AGBL4: variants seen among roughly 807,000 people sequenced by gnomAD.
AGBL4 encodes AGBL carboxypeptidase 4, also known as cytosolic carboxypeptidase 6.
AGBL4 carries 58 observed loss-of-function variants against 66.4 expected under a neutral mutation model. The observed-to-expected ratio is 0.87, with a 90% CI of 0.71 to 1.09. The LOEUF (loss-of-function observed/expected upper bound fraction) is 1.09, where lower values mean the gene tolerates loss of function less well. Ranked by LOEUF, AGBL4 falls within the 50% of genes least tolerant of loss-of-function variation. AGBL4 has a pLI of 0.00. For synonymous variants in AGBL4, 234 were observed against 222.9 expected (o/e 1.05, Z -0.44); for missense variants, 579 against 631.0 (o/e 0.92, Z 0.88).
intron 6 of AGBL4, among the ~76,000 whole-genome samples, chr1:48,862,123 A>T (rs1647530294): frequency 3.3e-5 from 5 of 152,098 alleles, no homozygotes. Context: ...TCAAAGTCCC[A>T]CTATAAAACT....
At chr1:49,201,228 C>T (rs1474734059) in intron 4 of AGBL4, among the ~76,000 whole-genome samples, 1 of 152,184 alleles carries the variant, frequency 6.6e-6, no homozygotes, top group Non-Finnish European at 1.5e-5. Flanking sequence ...TGGGCAACAA[C>T]TCCTCTTCTT....
chr1:49,252,460 G>T (rs1182338359), intron 3 of AGBL4, among the ~76,000 whole-genome samples: 1 of 152,178 alleles, frequency 6.6e-6, no homozygotes, highest in Non-Finnish European at 1.5e-5. Context: ...AAGATAGGGA[G>T]AATGGAACCA....
chr1:49,834,518 CT>C (rs1389249366), intron 2 of AGBL4, among the ~76,000 whole-genome samples: 1 of 152,000 alleles, frequency 6.6e-6, no homozygotes, highest in African/African-American at 2.4e-5. Context: ...TTCTGTTAAT[CT>C]TTTTAAAAAA....
At chr1:49,353,873 C>T (rs1005934529) in intron 3 of AGBL4, among the ~76,000 whole-genome samples, 2 of 152,110 alleles carry the variant, frequency 1.3e-5, no homozygotes, top group Non-Finnish European at 2.9e-5. Flanking sequence ...GAAAGATCAT[C>T]TTCCCACTCC....
intron 2 of AGBL4, among the ~76,000 whole-genome samples, chr1:49,785,893 A>AAATATATATAT (rs1407219283): frequency 7.1e-6 from 1 of 140,916 alleles, no homozygotes; most frequent in African/African-American, 2.6e-5. Context: ...GGAAAAAAAA[A>AAATATATATAT]ATATATATAT....
At chr1:49,851,174 A>G (rs889478549) in intron 2 of AGBL4, among the ~76,000 whole-genome samples, 2 of 152,158 alleles carry the variant, frequency 1.3e-5, no homozygotes, top group Non-Finnish European at 2.9e-5. Flanking sequence ...CTATGTAAGC[A>G]TTTGTTAATA....
intron 3 of AGBL4, among the ~76,000 whole-genome samples, chr1:49,298,528 T>G (rs1411983181): frequency 1.3e-5 from 2 of 152,166 alleles, no homozygotes; most frequent in Non-Finnish European, 2.9e-5. Flanking sequence ...TCAGCAGCAA[T>G]CATGCTAAAT....
At chr1:48,677,838 C>T (rs1249436525) in intron 6 of AGBL4, among the ~76,000 whole-genome samples, 2 of 152,188 alleles carry the variant, frequency 1.3e-5, no homozygotes, top group African/African-American at 4.8e-5. Context: ...GGAGAGGCCT[C>T]CCAACTTTTT....
chr1:49,640,525 T>G (rs1645759643), intron 3 of AGBL4, among the ~76,000 whole-genome samples: 1 of 152,166 alleles, frequency 6.6e-6, no homozygotes, highest in African/African-American at 2.4e-5. Context: ...CTGTACTTCC[T>G]GTCCTGCTTA....
chr1:49,709,705 CTAA>C (rs1190146437), intron 2 of AGBL4, among the ~76,000 whole-genome samples: 1 of 152,144 alleles, frequency 6.6e-6, no homozygotes, highest in East Asian at 1.9e-4. Context: ...TGACAAAAAG[CTAA>C]TATCCAGAAT....
At chr1:49,884,396 T>C (rs2148151449) in intron 1 of AGBL4, among the ~76,000 whole-genome samples, 1 of 152,006 alleles carries the variant, frequency 6.6e-6, no homozygotes, top group South Asian at 2.1e-4. Context: ...TCATTACTAT[T>C]ATTAAGACAC....
At chr1:48,807,228 C>T (rs1252025722) in intron 6 of AGBL4, among the ~76,000 whole-genome samples, 1 of 152,204 alleles carries the variant, frequency 6.6e-6, no homozygotes, top group South Asian at 2.1e-4. Flanking sequence ...AGCATCCTGA[C>T]TGTGATGGAT....
At chr1:49,447,896 G>T (rs549626642) in intron 3 of AGBL4, among the ~76,000 whole-genome samples, 4 of 151,828 alleles carry the variant, frequency 2.6e-5, no homozygotes, top group African/African-American at 9.7e-5. Context: ...CATAATTTTG[G>T]TTCTTCTTTC....
chr1:48,856,198 T>C (rs1647146556), intron 6 of AGBL4, among the ~76,000 whole-genome samples: 1 of 152,176 alleles, frequency 6.6e-6, no homozygotes, highest in Admixed American at 6.5e-5. Context: ...ATGTGCAATT[T>C]TTTAATAGAG....
At chr1:48,809,971 T>A (rs1473582244) in intron 6 of AGBL4, among the ~76,000 whole-genome samples, 1 of 152,130 alleles carries the variant, frequency 6.6e-6, no homozygotes, top group African/African-American at 2.4e-5. Flanking sequence ...TGCCCTATAT[T>A]ATGTTAAGTG....
chr1:50,000,375 A>C (rs930778808), intron 1 of AGBL4, among the ~76,000 whole-genome samples: 2 of 152,290 alleles, frequency 1.3e-5, no homozygotes, highest in Admixed American at 1.3e-4. Context: ...ATGTGATACC[A>C]CCTTACTCCT....
At chr1:48,616,218 T>G (rs1645315496) in intron 9 of AGBL4, among the ~76,000 whole-genome samples, 1 of 152,158 alleles carries the variant, frequency 6.6e-6, no homozygotes, top group South Asian at 2.1e-4. Flanking sequence ...GACCTACTGA[T>G]CAGAACTTGA....
At chr1:49,674,738 T>C (rs1646547302) in intron 3 of AGBL4, among the ~76,000 whole-genome samples, 1 of 151,950 alleles carries the variant, frequency 6.6e-6, no homozygotes, top group Non-Finnish European at 1.5e-5. Flanking sequence ...AAATCACCAT[T>C]AAGTGGTAGA....
Position 48,534,091 on chromosome 1 carries a change from G to C in AGBL4, c.*82C>G. ...TGCATTAATCCACAAATCCTTGGAAGCTAGAGAAGAGTGATTAATTTCATT... is the reference window on the plus strand; with the variant it reads ...TGCATTAATCCACAAATCCTTGGAACCTAGAGAAGAGTGATTAATTTCATT... On this transcript the variant is annotated 3_prime_UTR_variant, in exon 14 of 14. Transcript: ENST00000371839. 2 of 1,539,606 alleles carry C rather than the reference G, an allele frequency of 1.3e-6. No individual in the cohort carries two copies. The highest frequency in any genetic ancestry group is 1.8e-6 in the Non-Finnish European group (2 of 1,136,560).
Sources: gnomAD v4.1 joint callset for allele counts (sites outside exome capture counted in the v4.1 genomes callset) on GRCh38, gnomAD v4.1.1 for gene constraint, MANE v1.5 for transcripts, NCBI Gene and HGNC (gene_info 2026-07-23, HGNC 2026-07-21) for gene names.